CHIC1: variants seen among roughly 807,000 people sequenced by gnomAD.
CHIC1 encodes the protein cysteine-rich hydrophobic domain-containing protein 1.
A neutral mutation model predicts 18.5 loss-of-function variants in CHIC1; 7 were observed. The ratio of observed to expected loss-of-function variants is 0.38; its 90% confidence interval spans 0.22 to 0.71. The LOEUF (loss-of-function observed/expected upper bound fraction) is 0.71. Among genes scored for constraint, CHIC1 ranks in the 30% least tolerant of loss-of-function variants. The pLI is 0.49. For missense variants in CHIC1, 159 were observed against 176.9 expected, an observed-to-expected ratio of 0.90 and a Z score of 0.57; for synonymous variants, 77 against 73.5, an observed-to-expected ratio of 1.05 and a Z score of -0.25.
At chrX:73,653,974 A>G (rs1216760567) in intron 3 of CHIC1, among the ~76,000 whole-genome samples, 1 of 112,414 alleles carries the variant, frequency 8.9e-6, no homozygotes, top group African/African-American at 3.2e-5. Context: ...ATATATGATC[A>G]TGTCATCTGC....
intron 3 of CHIC1, among the ~76,000 whole-genome samples, chrX:73,670,099 G>A (rs768664549): frequency 9.8e-5 from 11 of 111,700 alleles, no homozygotes; most frequent in East Asian, 2.8e-4. Flanking sequence ...GCAAAGAGCC[G>A]TGAGAGAAGC....
chrX:73,606,895 C>T (rs1166478524), intron 3 of CHIC1, among the ~76,000 whole-genome samples: 1 of 108,842 alleles, frequency 9.2e-6, no homozygotes, highest in Admixed American at 9.6e-5. Context: ...AGCTGGAGCT[C>T]CCCTCTATGA....
chrX:73,570,694 A>T (rs1297445601), intron 1 of CHIC1, among the ~76,000 whole-genome samples: 1 of 111,515 alleles, frequency 9.0e-6, no homozygotes, highest in Non-Finnish European at 1.9e-5. Flanking sequence ...TACTAGAGCT[A>T]TAGATTTGGT....
At chrX:73,660,158 C>A (rs1404196613) in intron 3 of CHIC1, among the ~76,000 whole-genome samples, 1 of 112,344 alleles carries the variant, frequency 8.9e-6, no homozygotes, top group Non-Finnish European at 1.9e-5. Flanking sequence ...CTACCTGCAA[C>A]TAAGACTGTT....
chrX:73,670,420 T>C (rs1164280536), intron 3 of CHIC1, among the ~76,000 whole-genome samples: 1 of 111,093 alleles, frequency 9.0e-6, no homozygotes, highest in African/African-American at 3.3e-5. Context: ...TTTGTCTACT[T>C]TATCTTTTTA....
At chrX:73,657,350 C>T (rs187274260) in intron 3 of CHIC1, among the ~76,000 whole-genome samples, 253 of 111,498 alleles carry the variant, frequency 2.3e-3, no homozygotes, top group African/African-American at 7.5e-3. Context: ...TGAGCCACTG[C>T]GCCCAGCCGT....
chrX:73,567,301 C>G (rs889774900), intron 1 of CHIC1, among the ~76,000 whole-genome samples: 2 of 110,096 alleles, frequency 1.8e-5, no homozygotes, highest in Admixed American at 2.0e-4. Flanking sequence ...TTAAATTTGA[C>G]ATAAACAAAA....
chrX:73,610,857 T>C (rs1360294105), intron 3 of CHIC1, among the ~76,000 whole-genome samples: 2 of 108,402 alleles, frequency 1.8e-5, no homozygotes, highest in Admixed American at 1.9e-4. Context: ...TTCTAGTTTT[T>C]TAGTGTTTGG....
chrX:73,563,461 AGAG>A lies in CHIC1; in HGVS notation c.189_191del (p.Glu68del), dbSNP rs750642868. On this transcript the variant is annotated inframe_deletion, in exon 1 of 6. Transcript: ENST00000373502. ...AGGAGGAAGAGGAGGAGGAGGAAGAAGAGGAGGAGGAGGAAGAGGAGGAGGAAG... is the reference window on the plus strand; with the variant it reads ...AGGAGGAAGAGGAGGAGGAGGAAGAAGAGGAGGAGGAAGAGGAGGAGGAAG... 1.3e-4 allele frequency: 145 copies of A among 1,159,715 alleles called. No homozygotes were observed. The highest frequency in any genetic ancestry group is 9.9e-4 in the South Asian group (49 of 49,337).
At chrX:73,636,865 C>A (rs949447696) in intron 3 of CHIC1, among the ~76,000 whole-genome samples, 38 of 110,096 alleles carry the variant, frequency 3.5e-4, no homozygotes, top group African/African-American at 1.3e-3. Flanking sequence ...ACTGTATACC[C>A]ACTAGTGTAG....
intron 3 of CHIC1, among the ~76,000 whole-genome samples, chrX:73,595,869 A>G (rs2057605478): frequency 9.0e-6 from 1 of 111,381 alleles, no homozygotes; most frequent in Non-Finnish European, 1.9e-5. Flanking sequence ...TCACCATTCT[A>G]ACTGGAGTGA....
chrX:73,673,440 G>C (rs969054561), intron 3 of CHIC1, among the ~76,000 whole-genome samples: 2 of 111,420 alleles, frequency 1.8e-5, no homozygotes, highest in African/African-American at 6.5e-5. Flanking sequence ...GTGGTTTATA[G>C]GTCTCCTTGA....
chrX:73,627,137 CAAAAAAAAA>C (rs759306668), intron 3 of CHIC1, among the ~76,000 whole-genome samples: 2 of 56,994 alleles, frequency 3.5e-5, no homozygotes, highest in Non-Finnish European at 6.9e-5. Context: ...TAAGTTCTCC[CAAAAAAAAA>C]AAAAAAAAAA....
In CHIC1 at chrX:73,582,260, C is replaced by T. The variant is rs199763873; in HGVS notation, c.352-2157C>T. 8.1e-5 allele frequency among the ~76,000 whole-genome samples: 9 copies of T among 110,484 alleles called. No homozygotes were observed. The East Asian group carries it at 2.6e-3, about 31-fold the overall frequency. ...TTTACCATATTTAAAAATATGTTAG[C>T]TATTCTGGATACATAATTTAAAGAG... On this transcript the variant is annotated intron_variant, in intron 2 of 5. Coordinates refer to ENST00000373502, the MANE Select transcript of CHIC1 (RefSeq NM_001039840.4).
chrX:73,665,309 G>T (rs964349550), intron 3 of CHIC1, among the ~76,000 whole-genome samples: 2 of 110,877 alleles, frequency 1.8e-5, no homozygotes, highest in Non-Finnish European at 3.8e-5. Context: ...GACCAAAGCA[G>T]CCCTTACTAA....
intron 1 of CHIC1, among the ~76,000 whole-genome samples, chrX:73,569,210 C>T (rs1338650239): frequency 2.7e-5 from 3 of 110,794 alleles, no homozygotes; most frequent in Non-Finnish European, 5.7e-5. Flanking sequence ...CAGAATTTTA[C>T]GACATTTTCT....
At chrX:73,627,520 A>G (rs1249381303) in intron 3 of CHIC1, among the ~76,000 whole-genome samples, 1 of 112,463 alleles carries the variant, frequency 8.9e-6, no homozygotes, top group Non-Finnish European at 1.9e-5. Flanking sequence ...TGAAACCATA[A>G]GACGCAGTCC....
intron 1 of CHIC1, 98 bp downstream of exon 1, chrX:73,563,678 T>A (rs965041709): frequency 3.6e-6 from 3 of 842,434 alleles, no homozygotes; most frequent in Non-Finnish European, 4.7e-6. Flanking sequence ...GAGGGTTGAC[T>A]GATTGACTGA....
intron 3 of CHIC1, among the ~76,000 whole-genome samples, chrX:73,638,107 T>C (rs908363464): frequency 2.7e-5 from 3 of 112,009 alleles, no homozygotes; most frequent in African/African-American, 9.7e-5. Context: ...TGCCTGGGCC[T>C]GTGTGTGGCT....
Sources: allele counts gnomAD v4.1 joint callset (sites outside exome capture counted in the v4.1 genomes callset), GRCh38; gene constraint gnomAD v4.1.1; transcripts MANE v1.5; gene names NCBI Gene and HGNC (gene_info 2026-07-23, HGNC 2026-07-21).